Variants in CELF2 observed in about 807,000 individuals in gnomAD.
CELF2 encodes the protein CUGBP Elav-like family member 2.
In CELF2, 8 loss-of-function variants were observed where a neutral mutation model predicts 62.6. The ratio of observed to expected loss-of-function variants is 0.13; its 90% CI spans 0.07 to 0.23. The LOEUF is 0.23. Ranked by LOEUF, CELF2 falls within the 10% of genes least tolerant of loss-of-function variation. The pLI is 1.00. For synonymous variants in CELF2, 258 were observed against 250.0 expected (o/e 1.03, Z -0.30); for missense variants, 333 against 671.0 (o/e 0.50, Z 5.56).
chr10:10,777,528 T>G, the CELF2 span, among the ~76,000 whole-genome samples: 1 of 152,096 alleles, frequency 6.6e-6, no homozygotes, highest in African/African-American at 2.4e-5. Flanking sequence ...ATCTTTCTGT[T>G]TACTCTTTTC....
chr10:10,859,906 CT>C (rs1234750862), intron 1 of CELF2, among the ~76,000 whole-genome samples: 2 of 152,016 alleles, frequency 1.3e-5, no homozygotes, highest in African/African-American at 4.8e-5. Flanking sequence ...TGGTGTCAAT[CT>C]TCTTTTACAT....
At chr10:10,513,941 C>T in the CELF2 span, among the ~76,000 whole-genome samples, 704 of 152,134 alleles carry the variant, frequency 4.6e-3, 4 homozygotes, top group African/African-American at 0.016. Context: ...AGCTAAGCCT[C>T]GATCCCTCTC....
chr10:10,975,256 C>T lies in CELF2; in HGVS notation c.89+55257C>T, dbSNP rs559331144. ...CCACAGCCTCTGGAGTAGCTGGGAC[C>T]ACAGACATGAGCCACTACGCCCAGC... On this transcript the variant is annotated intron_variant, in intron 2 of 13. Coordinates refer to the CELF2 transcript ENST00000636488. 3.3e-5 allele frequency among the ~76,000 whole-genome samples: 5 copies of T among 152,204 alleles called. No individual in the cohort carries two copies. The East Asian group carries it at 9.7e-4, about 29-fold the overall frequency.
the CELF2 span, among the ~76,000 whole-genome samples, chr10:10,694,220 CT>C: frequency 1.6e-3 from 245 of 152,108 alleles, 3 homozygotes; most frequent in East Asian, 0.041. Context: ...TGTCTTTGTT[CT>C]CGTTGGTTTC....
chr10:10,593,182 T>C, the CELF2 span, among the ~76,000 whole-genome samples: 3 of 152,304 alleles, frequency 2.0e-5, no homozygotes, highest in Middle Eastern at 3.4e-3. Flanking sequence ...GATACATCAG[T>C]TGGATTTTGC....
chr10:10,475,513 A>G, the CELF2 span, among the ~76,000 whole-genome samples: 1 of 151,982 alleles, frequency 6.6e-6, no homozygotes, highest in South Asian at 2.1e-4. Flanking sequence ...CTTCCAGATC[A>G]AGTTTTCAGG....
At position 11,010,698 on chromosome 10, in the gene CELF2, T is replaced by C. The variant is rs1316848444; in HGVS notation, c.53+5258T>C. On this transcript the variant is annotated intron_variant, in intron 1 of 12. Transcript: ENST00000416382. This position sits in a 1 kb window ranked among gnomAD's most constrained non-coding sequence, Gnocchi z 4.1. ...CCATGAGCCATCTTGACAGTATAAC[T>C]ATTTAATAGTTGACATTTTAAAGAC... Among the ~76,000 whole-genome samples the C allele has an allele frequency of 6.6e-6, 1 of 152,228 alleles. No homozygotes were observed. The highest frequency in any genetic ancestry group is 1.5e-5 in the Non-Finnish European group (1 of 68,050).
chr10:11,209,726 T>C (rs375614205), intron 2 of CELF2, among the ~76,000 whole-genome samples: 2 of 151,866 alleles, frequency 1.3e-5, no homozygotes, highest in Non-Finnish European at 2.9e-5. Flanking sequence ...GAAACCGTAG[T>C]GCATGGCAGA....
intron 1 of CELF2, among the ~76,000 whole-genome samples, chr10:11,119,702 A>G (rs548755054): frequency 6.6e-6 from 1 of 152,314 alleles, no homozygotes; most frequent in South Asian, 2.1e-4. Flanking sequence ...GACTTTTCAC[A>G]GAGAAAGAAA....
At chr10:10,759,698 C>A in the CELF2 span, among the ~76,000 whole-genome samples, 1 of 152,010 alleles carries the variant, frequency 6.6e-6, no homozygotes, top group Non-Finnish European at 1.5e-5. Context: ...AGGAGAATCA[C>A]CATTGTCATG....
intron 2 of CELF2, among the ~76,000 whole-genome samples, chr10:10,940,901 A>G (rs1175785158): frequency 6.6e-6 from 1 of 152,198 alleles, no homozygotes; most frequent in Non-Finnish European, 1.5e-5. Flanking sequence ...TTTCTACATG[A>G]TTCAGTGAAT....
rs528670868 is a variant in CELF2 at position 10,973,088 on chromosome 10, G to A, written c.89+53089G>A. Reference sequence around the variant, plus strand: ...GTGGGTCACTCACGGTCAGGAGTTCGAGACCAGCCTGGCCAACATGTCAAA... The same window carrying A: ...GTGGGTCACTCACGGTCAGGAGTTCAAGACCAGCCTGGCCAACATGTCAAA... On this transcript the variant is annotated intron_variant, in intron 2 of 13. Coordinates refer to the CELF2 transcript ENST00000636488. 7.9e-5 allele frequency among the ~76,000 whole-genome samples: 12 copies of A among 152,040 alleles called. No individual in the cohort carries two copies. In the East Asian group the frequency reaches 2.1e-3, roughly 27 times the overall value.
chr10:11,240,946 G>C (rs1359141502), intron 3 of CELF2, among the ~76,000 whole-genome samples: 1 of 152,102 alleles, frequency 6.6e-6, no homozygotes, highest in South Asian at 2.1e-4. Context: ...ACCTGGATTC[G>C]AATCCCTGCT....
intron 1 of CELF2, among the ~76,000 whole-genome samples, chr10:11,043,696 T>C (rs890577346): frequency 6.6e-6 from 1 of 152,144 alleles, no homozygotes; most frequent in Non-Finnish European, 1.5e-5. Flanking sequence ...AACAACCTTG[T>C]GGGTTCCGCG....
intron 10 of CELF2, among the ~76,000 whole-genome samples, chr10:11,320,376 G>T (rs939362238): frequency 5.9e-5 from 9 of 152,158 alleles, no homozygotes; most frequent in African/African-American, 2.2e-4. Context: ...AACATGACCT[G>T]GAGCTCTTTC....
the CELF2 span, among the ~76,000 whole-genome samples, chr10:10,716,904 C>T: frequency 6.6e-6 from 1 of 152,172 alleles, no homozygotes; most frequent in Non-Finnish European, 1.5e-5. Flanking sequence ...TTAAGCCTAA[C>T]ATAACTAATC....
intron 1 of CELF2, among the ~76,000 whole-genome samples, chr10:11,024,540 G>A (rs989780970): frequency 2.6e-4 from 39 of 152,268 alleles, no homozygotes; most frequent in African/African-American, 8.7e-4. Flanking sequence ...GGTGGAGGTT[G>A]CAGTGAGCTG....
intron 1 of CELF2, among the ~76,000 whole-genome samples, chr10:11,155,759 T>A (rs544578910): frequency 6.6e-6 from 1 of 152,286 alleles, no homozygotes; most frequent in Admixed American, 6.5e-5. Context: ...AACTTTTGAT[T>A]TTCCAGATCA....
At chr10:11,266,788 C>T in intron 6 of CELF2, 111 bp downstream of exon 6, 1 of 736,586 alleles carries the variant, frequency 1.4e-6, no homozygotes, top group Non-Finnish European at 2.2e-6. Flanking sequence ...TGTAAACTTT[C>T]ACCATCTCAG....
Sources: gnomAD v4.1 joint callset for allele counts (sites outside exome capture counted in the v4.1 genomes callset) on GRCh38, gnomAD v4.1.1 for gene constraint, Gnocchi (gnomAD v3.1) non-coding constraint, MANE v1.5 for transcripts, NCBI Gene and HGNC (gene_info 2026-07-23, HGNC 2026-07-21) for gene names.